Variants in ESRRB observed in about 807,000 individuals in gnomAD.
The protein encoded by ESRRB is steroid hormone receptor ERR2.
In ESRRB, 16 loss-of-function variants were observed where a neutral mutation model predicts 46.0. The ratio of observed to expected loss-of-function variants is 0.35; its 90% CI spans 0.24 to 0.53. The LOEUF (loss-of-function observed/expected upper bound fraction) is 0.53. Among genes scored for constraint, ESRRB ranks in the 20% least tolerant of loss-of-function variants. The probability of loss-of-function intolerance (pLI) is 0.93; values close to 1 mark genes in which losing one functional copy is unlikely to be tolerated. For synonymous variants in ESRRB, 246 were observed against 259.6 expected (o/e 0.95, Z 0.50); for missense variants, 488 against 607.4 (o/e 0.80, Z 2.07).
intron 2 of ESRRB, among the ~76,000 whole-genome samples, chr14:76,459,245 A>G (rs1056394201): frequency 3.9e-5 from 6 of 152,018 alleles, no homozygotes; most frequent in Non-Finnish European, 8.8e-5. Flanking sequence ...CTCCCTGACA[A>G]GCATTCGCCA....
intron 5 of ESRRB, among the ~76,000 whole-genome samples, chr14:76,487,305 G>A (rs1195158997): frequency 2.0e-5 from 3 of 152,166 alleles, no homozygotes; most frequent in Admixed American, 6.5e-5. Context: ...AGAGGAAACC[G>A]AGGCACTGAG....
At chr14:76,377,007 G>T (rs1449425950) in intron 1 of ESRRB, among the ~76,000 whole-genome samples, 2 of 152,218 alleles carry the variant, frequency 1.3e-5, no homozygotes, top group South Asian at 2.1e-4. Context: ...CCGAGGGTGC[G>T]CACGTGGCGC....
At chr14:76,473,540 CT>C (rs1889454377) in intron 3 of ESRRB, among the ~76,000 whole-genome samples, 1 of 152,194 alleles carries the variant, frequency 6.6e-6, no homozygotes, top group African/African-American at 2.4e-5. Flanking sequence ...CAGGGCCACG[CT>C]TTGCAGAGCT....
intron 1 of ESRRB, among the ~76,000 whole-genome samples, chr14:76,356,368 T>C (rs962876727): frequency 6.6e-6 from 1 of 152,046 alleles, no homozygotes; most frequent in Non-Finnish European, 1.5e-5. Flanking sequence ...TCACAATCAC[T>C]CTAGGAGGCT....
intron 1 of ESRRB, among the ~76,000 whole-genome samples, chr14:76,383,126 G>C (rs1179669816): frequency 6.6e-6 from 1 of 152,138 alleles, no homozygotes; most frequent in East Asian, 1.9e-4. Flanking sequence ...CCTGACCATT[G>C]GTGTTTACCA....
At position 76,482,550 on chromosome 14, in the gene ESRRB, C is replaced by A; in HGVS notation, c.689-48C>A. Reference sequence around the variant, plus strand: ...ACCCATCTGAGCCTCCACCCCGGCCCCTTTCCTCTTTTCCCAGCATTTACC... The same window carrying A: ...ACCCATCTGAGCCTCCACCCCGGCCACTTTCCTCTTTTCCCAGCATTTACC... On this transcript the variant is annotated intron_variant, in intron 4 of 6. Transcript: ENST00000644823. The surrounding 1 kb of genome is among the most constrained non-coding windows in gnomAD (Gnocchi z 4.3). The A allele has an allele frequency of 6.2e-7, 1 of 1,611,374 alleles. No homozygotes were observed. Among genetic ancestry groups the A allele is most frequent in the South Asian group, 1.1e-5 (1 of 90,942 alleles).
intron 1 of ESRRB, among the ~76,000 whole-genome samples, chr14:76,410,548 G>C (rs1886391090): frequency 6.6e-6 from 1 of 152,140 alleles, no homozygotes; most frequent in African/African-American, 2.4e-5. Flanking sequence ...AGGAAACTTG[G>C]TGTTCCCATT....
chr14:76,321,427 A>G (rs1883866177), intron 1 of ESRRB, among the ~76,000 whole-genome samples: 1 of 152,126 alleles, frequency 6.6e-6, no homozygotes, highest in African/African-American at 2.4e-5. Context: ...GGGTTGAACC[A>G]TATTATGACT....
At chr14:76,480,333 G>C (rs1889758000) in intron 3 of ESRRB, among the ~76,000 whole-genome samples, 1 of 152,170 alleles carries the variant, frequency 6.6e-6, no homozygotes, top group Non-Finnish European at 1.5e-5. Context: ...CAGCATCCTT[G>C]CCCTCCAGGG....
At chr14:76,443,743 C>T (rs149743894) in intron 2 of ESRRB, among the ~76,000 whole-genome samples, 1 of 152,078 alleles carries the variant, frequency 6.6e-6, no homozygotes, top group Non-Finnish European at 1.5e-5. Flanking sequence ...AATCCTACTG[C>T]ATGCTTGACA....
At chr14:76,375,829 C>CG (rs1187927375), upstream of ESRRB, among the ~76,000 whole-genome samples, 1 of 152,212 alleles carries the variant, frequency 6.6e-6, no homozygotes, top group African/African-American at 2.4e-5. Context: ...AGGGGTGGCC[C>CG]GGGGGGTATG....
At position 76,393,967 on chromosome 14, in the gene ESRRB, A is replaced by ATTTTTT. The variant is rs71122531; in HGVS notation, c.50+17531_50+17536dup. Among the ~76,000 whole-genome samples the ATTTTTT allele has an allele frequency of 3.1e-3, 394 of 126,908 alleles. 3 individuals are homozygous for ATTTTTT. Among genetic ancestry groups the ATTTTTT allele is most frequent in the Middle Eastern group, 4.5e-3 (1 of 220 alleles). 83.3% of individuals were successfully genotyped at this position (126,908 alleles called of 152,430 possible). A position where few individuals can be genotyped will look rare whatever the true frequency, so the allele number is the denominator to read the frequency against. ...AGGCATGCACCAACATGCCTGGCTAATTTTTTTTTTTTTTTTTTTTGTATT... is the reference window on the plus strand; with the variant it reads ...AGGCATGCACCAACATGCCTGGCTAATTTTTTTTTTTTTTTTTTTTTTTTTTGTATT... On this transcript the variant is annotated intron_variant, in intron 1 of 6. Coordinates refer to ENST00000644823, the MANE Select transcript of ESRRB (RefSeq NM_001379180.1).
At chr14:76,342,655 T>C (rs960575248) in intron 1 of ESRRB, among the ~76,000 whole-genome samples, 4 of 152,236 alleles carry the variant, frequency 2.6e-5, no homozygotes, top group African/African-American at 9.6e-5. Context: ...TTGGTCCGCA[T>C]GAGCTTTGAT....
intron 3 of ESRRB, among the ~76,000 whole-genome samples, chr14:76,472,265 C>T (rs949333775): frequency 2.9e-4 from 44 of 152,096 alleles, no homozygotes; most frequent in African/African-American, 1.0e-3. Context: ...GGAATGCAGG[C>T]GTAACACAGT....
chr14:76,430,717 C>A (rs1234613443), intron 1 of ESRRB, among the ~76,000 whole-genome samples: 2 of 152,232 alleles, frequency 1.3e-5, no homozygotes, highest in Admixed American at 6.5e-5. Flanking sequence ...TCAAAGCCAG[C>A]AGCAATTAGG....
chr14:76,500,600 A>AT lies in ESRRB; in HGVS notation c.*2142_*2143insT, dbSNP rs1377265689. The AT allele has an allele frequency of 1.2e-4, 155 of 1,297,228 alleles. No individual in the cohort carries two copies. Among genetic ancestry groups the AT allele is most frequent in the Non-Finnish European group, 1.7e-4 (151 of 894,662 alleles). The allele number at this position is 1,297,228 out of a possible 1,614,324, so 80.4% of individuals were successfully genotyped here. ...GTGCTGTGTCCTTGCAGCGGGGCCG[A>AT]GGTAGCACCCTGCTCTGTCACTTCC... On this transcript the variant is annotated 3_prime_UTR_variant, in exon 7 of 7. Coordinates refer to ENST00000644823, the MANE Select transcript of ESRRB (RefSeq NM_001379180.1).
chr14:76,381,872 A>G (rs952689790), intron 1 of ESRRB, among the ~76,000 whole-genome samples: 1 of 152,150 alleles, frequency 6.6e-6, no homozygotes, highest in Non-Finnish European at 1.5e-5. Context: ...CAACAAAAGG[A>G]CACAAAAACA....
chr14:76,432,406 C>T (rs1395492414), intron 1 of ESRRB, among the ~76,000 whole-genome samples: 1 of 152,198 alleles, frequency 6.6e-6, no homozygotes, highest in Non-Finnish European at 1.5e-5. Context: ...AGAACCTTTG[C>T]GTCCCAGATT....
intron 3 of ESRRB, among the ~76,000 whole-genome samples, chr14:76,470,352 G>A (rs1198264629): frequency 6.6e-6 from 1 of 152,040 alleles, no homozygotes; most frequent in African/African-American, 2.4e-5. Flanking sequence ...TTTCATTCCC[G>A]CTCATTTCTT....
Sources: gnomAD v4.1 joint callset for allele counts (sites outside exome capture counted in the v4.1 genomes callset) on GRCh38, gnomAD v4.1.1 for gene constraint, Gnocchi (gnomAD v3.1) non-coding constraint, MANE v1.5 for transcripts, NCBI Gene and HGNC (gene_info 2026-07-23, HGNC 2026-07-21) for gene names.